Variants in CELF2 observed in about 807,000 individuals in gnomAD.
CELF2 encodes CUG triplet repeat RNA-binding protein 2.
In CELF2, 8 loss-of-function variants were observed where a neutral mutation model predicts 62.6. The observed-to-expected ratio is 0.13, with a 90% CI of 0.07 to 0.23. CELF2 has a LOEUF of 0.23. Ranked by LOEUF, CELF2 falls within the 10% of genes least tolerant of loss-of-function variation. CELF2 has a pLI of 1.00. For synonymous variants in CELF2, 258 were observed against 250.0 expected, an observed-to-expected ratio of 1.03 and a Z score of -0.30; for missense variants, 333 against 671.0, an observed-to-expected ratio of 0.50 and a Z score of 5.56.
intron 1 of CELF2, among the ~76,000 whole-genome samples, chr10:11,090,511 G>A (rs2048029328): frequency 6.6e-6 from 1 of 152,126 alleles, no homozygotes; most frequent in Non-Finnish European, 1.5e-5. Context: ...AGAATACTCA[G>A]ACATTTTAAC....
chr10:10,958,010 C>A (rs2049086843), intron 2 of CELF2, among the ~76,000 whole-genome samples: 1 of 152,172 alleles, frequency 6.6e-6, no homozygotes, highest in Non-Finnish European at 1.5e-5. Flanking sequence ...GTGAAGTAAG[C>A]AAATTAAATG....
At chr10:10,920,495 A>T (rs919992213) in intron 2 of CELF2, among the ~76,000 whole-genome samples, 1 of 152,192 alleles carries the variant, frequency 6.6e-6, no homozygotes, top group African/African-American at 2.4e-5. Flanking sequence ...CATCAAAATA[A>T]ATACTTAGTA....
At chr10:10,578,899 A>T in the CELF2 span, among the ~76,000 whole-genome samples, 2 of 152,158 alleles carry the variant, frequency 1.3e-5, no homozygotes, top group East Asian at 3.9e-4. Context: ...TGATGCTAAT[A>T]TTAACTTTCA....
At chr10:10,982,590 C>A (rs547539513) in intron 2 of CELF2, among the ~76,000 whole-genome samples, 1 of 152,326 alleles carries the variant, frequency 6.6e-6, no homozygotes, top group East Asian at 1.9e-4. Flanking sequence ...CAGGAAAGAG[C>A]TGCTCATCAG....
At chr10:10,958,186 T>G (rs1241076215) in intron 2 of CELF2, among the ~76,000 whole-genome samples, 1 of 152,326 alleles carries the variant, frequency 6.6e-6, no homozygotes, top group East Asian at 1.9e-4. Flanking sequence ...AAAAACTTGC[T>G]CAAGCATGAG....
At chr10:10,840,005 A>G (rs769077893) in intron 1 of CELF2, among the ~76,000 whole-genome samples, 1 of 152,106 alleles carries the variant, frequency 6.6e-6, no homozygotes. Context: ...TACTTCACAG[A>G]GTTTTGTCTA....
chr10:11,107,770 T>C, intron 1 of CELF2, among the ~76,000 whole-genome samples: 1 of 148,844 alleles, frequency 6.7e-6, no homozygotes, highest in Middle Eastern at 3.4e-3. Flanking sequence ...CCCTTTTGCT[T>C]CCTCTCATTC....
the CELF2 span, among the ~76,000 whole-genome samples, chr10:10,526,952 T>C: frequency 6.6e-6 from 1 of 152,234 alleles, no homozygotes; most frequent in African/African-American, 2.4e-5. Context: ...GCACCACAGT[T>C]GTTTATAAAT....
the CELF2 span, among the ~76,000 whole-genome samples, chr10:10,604,190 A>G: frequency 6.6e-6 from 1 of 152,246 alleles, no homozygotes; most frequent in East Asian, 1.9e-4. Context: ...AACCTGGGCT[A>G]CAGAGTGAAA....
At chr10:10,624,179 C>G in the CELF2 span, among the ~76,000 whole-genome samples, 1 of 152,230 alleles carries the variant, frequency 6.6e-6, no homozygotes, top group Non-Finnish European at 1.5e-5. Flanking sequence ...GCCTCCGCTT[C>G]ATTCTTATCA....
At chr10:10,787,082 T>TTA in the CELF2 span, among the ~76,000 whole-genome samples, 1 of 152,220 alleles carries the variant, frequency 6.6e-6, no homozygotes, top group South Asian at 2.1e-4. Context: ...AGAACTTTAA[T>TTA]ATGTGTTAAA....
chr10:11,106,106 C>G (rs1453030642), intron 1 of CELF2, among the ~76,000 whole-genome samples: 4 of 152,134 alleles, frequency 2.6e-5, no homozygotes, highest in African/African-American at 9.7e-5. Flanking sequence ...ATGTCTTGAT[C>G]ATTTTTGGAA....
chr10:10,789,663 G>A, the CELF2 span, among the ~76,000 whole-genome samples: 1 of 151,996 alleles, frequency 6.6e-6, no homozygotes, highest in African/African-American at 2.4e-5. Flanking sequence ...AATTTGATGG[G>A]TAAAATGCTA....
At chr10:11,136,471 G>A (rs2132050374) in intron 1 of CELF2, among the ~76,000 whole-genome samples, 1 of 152,284 alleles carries the variant, frequency 6.6e-6, no homozygotes, top group Admixed American at 6.5e-5. Flanking sequence ...AGGCATGGTG[G>A]CAGGCACCTG....
rs184938992 is a variant in CELF2, at chr10:11,192,921, G to A, written c.272-24504G>A. Among the ~76,000 whole-genome samples the A allele has an allele frequency of 1.2e-3, 189 of 152,318 alleles. 1 individual carries two copies. Among genetic ancestry groups the A allele is most frequent in the Middle Eastern group, 3.4e-3 (1 of 294 alleles). ...AAGGTTGAGAAGGACCAAGCTGGAC[G>A]TTGCGAGAGTGCTCTGGTAAATTTC... On this transcript the variant is annotated intron_variant, in intron 2 of 12. Coordinates refer to ENST00000633077, the MANE Select transcript of CELF2 (RefSeq NM_001326342.2).
the CELF2 span, among the ~76,000 whole-genome samples, chr10:10,703,887 A>C: frequency 2.0e-5 from 3 of 152,196 alleles, no homozygotes; most frequent in Non-Finnish European, 4.4e-5. Flanking sequence ...TCAATACAGC[A>C]GTGTAGTAGG....
At position 10,824,519 on chromosome 10, in the gene CELF2, G is replaced by A. The variant is rs558888462; in HGVS notation, c.53+25702G>A. On this transcript the variant is annotated intron_variant, in intron 1 of 13. Coordinates refer to the CELF2 transcript ENST00000636488. ...GAGATCCTTGTCAAACCATCCTTCAGTGCTCATCTGAGATTTTCCCCTTTC... is the reference window on the plus strand; with the variant it reads ...GAGATCCTTGTCAAACCATCCTTCAATGCTCATCTGAGATTTTCCCCTTTC... Among the ~76,000 whole-genome samples the A allele has an allele frequency of 5.9e-5, 9 of 152,302 alleles. 1 individual carries two copies. In the South Asian group the frequency reaches 1.9e-3, roughly 32 times the overall value.
intron 1 of CELF2, among the ~76,000 whole-genome samples, chr10:10,860,020 A>G (rs1022347678): frequency 4.6e-5 from 7 of 152,206 alleles, no homozygotes; most frequent in African/African-American, 1.2e-4. Context: ...CATATTCACA[A>G]ATATAATAAA....
chr10:11,029,330 G>A (rs571238161), intron 1 of CELF2, among the ~76,000 whole-genome samples: 3 of 152,200 alleles, frequency 2.0e-5, no homozygotes, highest in Admixed American at 6.5e-5. Flanking sequence ...TCTTTGGAGT[G>A]CTAAGAGATC....
Sources: allele counts gnomAD v4.1 joint callset (sites outside exome capture counted in the v4.1 genomes callset), GRCh38; gene constraint gnomAD v4.1.1; transcripts MANE v1.5; gene names NCBI Gene and HGNC (gene_info 2026-07-23, HGNC 2026-07-21).